The following CELF1 variants were observed in gnomAD, a reference collection of about 807,000 sequenced individuals.
The protein encoded by CELF1 is CUGBP Elav-like family member 1.
CELF1 carries 10 observed loss-of-function variants against 61.8 expected under a neutral mutation model. The observed-to-expected ratio is 0.16, with a 90% confidence interval of 0.10 to 0.27. CELF1 has a LOEUF of 0.27. Ranked by LOEUF, CELF1 falls within the 10% of genes least tolerant of loss-of-function variation. The probability of loss-of-function intolerance (pLI) is 1.00; values close to 1 mark genes in which losing one functional copy is unlikely to be tolerated. For synonymous variants in CELF1, 236 were observed against 225.1 expected (o/e 1.05, Z -0.43); for missense variants, 380 against 639.1 (o/e 0.59, Z 4.37).
chr11:47,482,264 C>T (rs977102169), intron 9 of CELF1, among the ~76,000 whole-genome samples: 2 of 152,004 alleles, frequency 1.3e-5, no homozygotes, highest in African/African-American at 4.8e-5. Flanking sequence ...CTCTTGATCT[C>T]TCAAGTCCGC....
chr11:47,536,582 C>T (rs2096635651), intron 1 of CELF1, among the ~76,000 whole-genome samples: 3 of 151,852 alleles, frequency 2.0e-5, no homozygotes, highest in Non-Finnish European at 4.4e-5. Context: ...GCCAACATGG[C>T]GAAAACCCGT....
At chr11:47,532,395 T>C (rs376219400) in intron 1 of CELF1, among the ~76,000 whole-genome samples, 1 of 152,180 alleles carries the variant, frequency 6.6e-6, no homozygotes, top group Non-Finnish European at 1.5e-5. Context: ...CATAAAACTA[T>C]CTTCCCTTTG....
In CELF1 at chr11:47,541,720, A is replaced by C. The variant is rs189394580; in HGVS notation, c.-154+11272T>G. ...AAAGAAAGAAAGAAAGAAAGAAAGA[A>C]AGAAAGAACGAAAGAAAGAACGAAA... On this transcript the variant is annotated intron_variant, in intron 1 of 14. Coordinates refer to ENST00000687097, the MANE Select transcript of CELF1 (RefSeq NM_001376376.1). Among the ~76,000 whole-genome samples, 22 of 6,734 alleles carry C rather than the reference A, an allele frequency of 3.3e-3. 2 individuals carry two copies. Among genetic ancestry groups the C allele is most frequent in the African/African-American group, 7.4e-3 (22 of 2,956 alleles). 4.4% of individuals were successfully genotyped at this position (6,734 alleles called of 152,430 possible). A position where few individuals can be genotyped will look rare whatever the true frequency, so the allele number is the denominator to read the frequency against.
rs1245313036 is a variant in CELF1 at position 47,477,312 on chromosome 11, C to T, written c.958G>A (p.Val320Met). The T allele has an allele frequency of 3.1e-6, 5 of 1,613,964 alleles. No individual in the cohort carries two copies. The highest frequency in any genetic ancestry group is 2.2e-5 in the South Asian group (2 of 91,088). The change falls in exon 11 of 15, where the codon GTG (valine) becomes ATG (methionine). Residue 320 changes from valine to methionine, a missense_variant. Coordinates refer to ENST00000687097, the MANE Select transcript of CELF1 (RefSeq NM_001376376.1). ...ALTTSSSPLS[V>M]LTSSAGSSPS... ...TCATGCTTACCTGAACTAGTGAGCA[C>T]GCTGAGGGGACTGCTGGATGTAGTG...
chr11:47,488,398 A>G (rs551612339), intron 4 of CELF1, among the ~76,000 whole-genome samples: 10 of 152,294 alleles, frequency 6.6e-5, no homozygotes, highest in Admixed American at 4.6e-4. Flanking sequence ...CAAGAAACCA[A>G]TGGGTATGTG....
chr11:47,482,237 A>T (rs1442319629), intron 9 of CELF1, among the ~76,000 whole-genome samples: 1 of 152,036 alleles, frequency 6.6e-6, no homozygotes, highest in Non-Finnish European at 1.5e-5. Flanking sequence ...TAAATAAAGC[A>T]AAAAAAGAAA....
intron 5 of CELF1, 127 bp downstream of exon 5, chr11:47,487,032 C>T: frequency 1.2e-6 from 1 of 803,806 alleles, no homozygotes; most frequent in East Asian, 2.4e-5. Flanking sequence ...TTATGTCTTC[C>T]TTTACATCAA....
chr11:47,494,470 A>G (rs749055057), intron 3 of CELF1: 90 of 983,906 alleles, frequency 9.1e-5, no homozygotes, highest in Non-Finnish European at 9.9e-5. Flanking sequence ...TAGGGATACA[A>G]TTGGGAAGAG....
At chr11:47,520,306 GATACA>G (rs575048646) in intron 1 of CELF1, among the ~76,000 whole-genome samples, 97 of 152,292 alleles carry the variant, frequency 6.4e-4, no homozygotes, top group East Asian at 2.7e-3. Flanking sequence ...CACTGTCCAT[GATACA>G]ATACATTTTT....
At chr11:47,475,555 G>C (rs1382853609) in intron 12 of CELF1, 34 bp from the exon 13 acceptor site, 4 of 1,605,992 alleles carry the variant, frequency 2.5e-6, no homozygotes, top group Middle Eastern at 1.8e-4. Flanking sequence ...TAATATACTA[G>C]AAAGACTAAA....
At chr11:47,526,432 C>G (rs1426737285) in intron 1 of CELF1, among the ~76,000 whole-genome samples, 2 of 152,190 alleles carry the variant, frequency 1.3e-5, no homozygotes, top group Admixed American at 1.3e-4. Flanking sequence ...GTGGTTTCAA[C>G]CTGAAATGTT....
intron 1 of CELF1, among the ~76,000 whole-genome samples, chr11:47,544,192 T>A (rs2096876786): frequency 6.6e-6 from 1 of 152,218 alleles, no homozygotes; most frequent in Non-Finnish European, 1.5e-5. Flanking sequence ...ACTGACATAG[T>A]AGCTACTGCT....
chr11:47,564,629 C>T (rs1395898796), intron 1 of CELF1, among the ~76,000 whole-genome samples: 2 of 150,214 alleles, frequency 1.3e-5, no homozygotes, highest in South Asian at 2.1e-4. Context: ...CTCGTCTCTA[C>T]TAAAAACAAA....
In CELF1 at chr11:47,478,959, A is replaced by G; in HGVS notation, c.769-7T>C. The stretch of plus-strand genomic sequence containing the variant: ...GAAGGAGCTGCAAATAAAGCTAGAC[A>G]TTACACCAAAAAACAGAACAAGAGT... On this transcript the variant is annotated splice_region_variant and splice_polypyrimidine_tract_variant and intron_variant, in intron 9 of 14. Transcript: ENST00000687097. 1 of 1,608,972 alleles carries G rather than the reference A, an allele frequency of 6.2e-7. No individual in the cohort carries two copies. The highest frequency in any genetic ancestry group is 8.5e-7 in the Non-Finnish European group (1 of 1,177,382).
chr11:47,513,031 A>G (rs2095322990), intron 1 of CELF1, among the ~76,000 whole-genome samples: 1 of 152,236 alleles, frequency 6.6e-6, no homozygotes, highest in African/African-American at 2.4e-5. Context: ...AACCATTCTT[A>G]GAATGGTCCC....
intron 1 of CELF1, among the ~76,000 whole-genome samples, chr11:47,505,301 AAG>A (rs2094388181): frequency 6.6e-6 from 1 of 151,266 alleles, no homozygotes; most frequent in Admixed American, 6.6e-5. Context: ...AATATACTGT[AAG>A]TTTACACTTT....
intron 2 of CELF1, 100 bp downstream of exon 2, chr11:47,500,761 C>T (rs1252147641): frequency 2.0e-5 from 8 of 394,826 alleles, no homozygotes; most frequent in African/African-American, 6.2e-5. Flanking sequence ...CAACAAATGG[C>T]GGCATTTCAA....
intron 1 of CELF1, among the ~76,000 whole-genome samples, chr11:47,505,206 C>G (rs1429060917): frequency 6.6e-6 from 1 of 151,332 alleles, no homozygotes; most frequent in East Asian, 1.9e-4. Context: ...ACAGTCCTGT[C>G]AAATTGTGAC....
intron 1 of CELF1, among the ~76,000 whole-genome samples, chr11:47,540,841 C>T (rs938710405): frequency 3.9e-5 from 6 of 152,030 alleles, no homozygotes; most frequent in South Asian, 2.1e-4. Context: ...GCCGAGATCG[C>T]GCCACTGGAC....
Sources: gnomAD v4.1 joint callset for allele counts (sites outside exome capture counted in the v4.1 genomes callset) on GRCh38, gnomAD v4.1.1 for gene constraint, MANE v1.5 for transcripts, NCBI Gene and HGNC (gene_info 2026-07-23, HGNC 2026-07-21) for gene names.